The following DOCK1 variants were observed in gnomAD, a reference collection of about 807,000 sequenced individuals.
DOCK1 encodes dedicator of cytokinesis protein 1.
Under a neutral mutation model 262.7 loss-of-function variants are expected in DOCK1, and 138 were observed. The observed-to-expected ratio is 0.53, with a 90% confidence interval of 0.46 to 0.61. The LOEUF (loss-of-function observed/expected upper bound fraction) is 0.61. DOCK1 is among the 20% of genes least tolerant of loss of function. The pLI is 0.00. For synonymous variants in DOCK1, 866 were observed against 867.4 expected, an observed-to-expected ratio of 1.00 and a Z score of 0.03; for missense variants, 1,908 against 2,370.7, an observed-to-expected ratio of 0.80 and a Z score of 4.05.
chr10:127,026,540 T>G, intron 16 of DOCK1, 116 bp downstream of exon 16: 1 of 902,514 alleles, frequency 1.1e-6, no homozygotes, highest in South Asian at 1.5e-5. Context: ...TAAGGCTCAT[T>G]TCCCACCGGA....
intron 27 of DOCK1, among the ~76,000 whole-genome samples, chr10:127,241,440 G>A (rs1201911456): frequency 6.6e-6 from 1 of 152,026 alleles, no homozygotes; most frequent in Non-Finnish European, 1.5e-5. Context: ...TATTAATGCT[G>A]GATGAATTTT....
At chr10:127,395,020 G>T (rs1031028787) in intron 38 of DOCK1, among the ~76,000 whole-genome samples, 3 of 152,190 alleles carry the variant, frequency 2.0e-5, no homozygotes, top group Non-Finnish European at 4.4e-5. Flanking sequence ...GTAAAATTAA[G>T]TTTGCCAGAT....
At chr10:127,350,749 T>C (rs1462994490) in intron 31 of DOCK1, among the ~76,000 whole-genome samples, 1 of 152,200 alleles carries the variant, frequency 6.6e-6, no homozygotes, top group Admixed American at 6.5e-5. Flanking sequence ...TATTCATATT[T>C]CCACATTAGC....
At chr10:127,173,732 T>C (rs2054799356) in intron 27 of DOCK1, among the ~76,000 whole-genome samples, 1 of 152,214 alleles carries the variant, frequency 6.6e-6, no homozygotes, top group Admixed American at 6.5e-5. Context: ...AGTAAATCAC[T>C]GGTCTCCCCC....
chr10:127,284,591 A>G (rs1295106248), intron 29 of DOCK1, among the ~76,000 whole-genome samples: 1 of 152,216 alleles, frequency 6.6e-6, no homozygotes, highest in African/African-American at 2.4e-5. Context: ...TGTTGCTTCA[A>G]TAATAACATG....
At chr10:127,198,726 A>C (rs1383574316) in intron 27 of DOCK1, among the ~76,000 whole-genome samples, 2 of 147,246 alleles carry the variant, frequency 1.4e-5, no homozygotes, top group African/African-American at 5.0e-5. Context: ...AAGTCTATTA[A>C]AATCATTGGC....
chr10:126,985,261 G>A (rs930640681), intron 4 of DOCK1, among the ~76,000 whole-genome samples: 2 of 152,114 alleles, frequency 1.3e-5, no homozygotes, highest in African/African-American at 2.4e-5. Flanking sequence ...GATTACAGGC[G>A]TGAGCCACCG....
At chr10:126,963,245 A>AT (rs1331851813) in intron 1 of DOCK1, among the ~76,000 whole-genome samples, 6 of 152,054 alleles carry the variant, frequency 3.9e-5, no homozygotes, top group Non-Finnish European at 1.5e-5. Flanking sequence ...TGTCATTGGG[A>AT]TTTTGATAGG....
intron 29 of DOCK1, among the ~76,000 whole-genome samples, chr10:127,321,100 G>A (rs573330488): frequency 1.3e-5 from 2 of 152,216 alleles, no homozygotes; most frequent in East Asian, 3.9e-4. Flanking sequence ...ACTGTTGATG[G>A]CGCCCTTGCT....
rs182826301 is a variant in DOCK1, at chr10:127,203,184, C to T, written c.2848-44824C>T. ...ATGATTCATCACAATATACGTATCC[C>T]ATCTATACCACAAGAGGCCACTTCA... is the stretch of plus-strand genomic sequence containing the variant. On this transcript the variant is annotated intron_variant, in intron 27 of 51. Transcript: ENST00000623213. 4.9e-3 allele frequency among the ~76,000 whole-genome samples: 745 copies of T among 152,272 alleles called. 9 individuals carry two copies. Among genetic ancestry groups the T allele is most frequent in the African/African-American group, 0.017 (713 of 41,546 alleles).
Position 127,175,171 on chromosome 10 carries a change from C to A in DOCK1, c.2847+47407C>A. The A allele has an allele frequency of 6.6e-7, 1 of 1,525,848 alleles. No homozygotes were observed. The highest frequency in any genetic ancestry group is 1.2e-5 in the South Asian group (1 of 81,198). The allele number at this position is 1,525,848 out of a possible 1,614,324, so 94.5% of individuals were successfully genotyped here. A position where few individuals can be genotyped will look rare whatever the true frequency, so the allele number is the denominator to read the frequency against. On this transcript the variant is annotated intron_variant, in intron 27 of 51. Coordinates refer to ENST00000623213, the MANE Select transcript of DOCK1 (RefSeq NM_001290223.2). The surrounding 1 kb of genome is among the most constrained non-coding windows in gnomAD (Gnocchi z 6.3). ...GGCTACAGATGGACTCTGTGGTGAT[C>A]AGCCTGCATAGCTTCCTAAGACATG...
At chr10:127,000,116 G>A in intron 9 of DOCK1, 56 bp from the exon 10 acceptor site, 2 of 1,588,792 alleles carry the variant, frequency 1.3e-6, no homozygotes, top group South Asian at 2.3e-5. Context: ...CTTTTCATTG[G>A]AGCTTGCATT....
At chr10:127,035,295 C>T (rs1473845574) in intron 18 of DOCK1, among the ~76,000 whole-genome samples, 2 of 152,164 alleles carry the variant, frequency 1.3e-5, no homozygotes, top group Non-Finnish European at 2.9e-5. Flanking sequence ...CTTCTCTGTC[C>T]TCAGCATTAT....
intron 29 of DOCK1, among the ~76,000 whole-genome samples, chr10:127,271,142 T>C (rs2060553403): frequency 6.6e-6 from 1 of 152,114 alleles, no homozygotes; most frequent in Admixed American, 6.5e-5. Context: ...TTTTGTCACT[T>C]AATAGTGTTC....
At chr10:127,038,451 G>T (rs138373322) in intron 19 of DOCK1, among the ~76,000 whole-genome samples, 107 of 152,242 alleles carry the variant, frequency 7.0e-4, no homozygotes, top group African/African-American at 2.4e-3. Context: ...GCCATGAGAA[G>T]TGGGGTAACA....
At chr10:127,070,205 T>G (rs1187434586) in intron 23 of DOCK1, among the ~76,000 whole-genome samples, 1 of 150,992 alleles carries the variant, frequency 6.6e-6, no homozygotes, top group Non-Finnish European at 1.5e-5. Flanking sequence ...AAAGACTGTT[T>G]CCAAAACATT....
At chr10:127,363,048 C>CAT (rs1277552136) in intron 33 of DOCK1, among the ~76,000 whole-genome samples, 5 of 133,904 alleles carry the variant, frequency 3.7e-5, no homozygotes, top group African/African-American at 8.1e-5. Flanking sequence ...CCCCCACACA[C>CAT]ACACACGTAC....
chr10:127,413,209 G>A (rs2067962888), intron 43 of DOCK1, among the ~76,000 whole-genome samples: 1 of 152,204 alleles, frequency 6.6e-6, no homozygotes, highest in Admixed American at 6.5e-5. Context: ...GAGGTCAAGT[G>A]AGCCACTGGA....
Position 126,958,241 on chromosome 10 carries a change from T to A in DOCK1, c.47-12461T>A, listed in dbSNP as rs893638522. 4.6e-5 allele frequency among the ~76,000 whole-genome samples: 7 copies of A among 152,342 alleles called. No individual in the cohort carries two copies. In the South Asian group the frequency reaches 1.5e-3, roughly 32 times the overall value. ...GTAGATGGATGTGAGCATATTTATG[T>A]CTGTATATATGCCCATTTGTTACAT... is the stretch of plus-strand genomic sequence containing the variant. On this transcript the variant is annotated intron_variant, in intron 1 of 51. Transcript: ENST00000623213.
Sources: gnomAD v4.1 joint callset for allele counts (sites outside exome capture counted in the v4.1 genomes callset) on GRCh38, gnomAD v4.1.1 for gene constraint, Gnocchi (gnomAD v3.1) non-coding constraint, MANE v1.5 for transcripts, NCBI Gene and HGNC (gene_info 2026-07-23, HGNC 2026-07-21) for gene names.